GNAL: variants seen among roughly 807,000 people sequenced by gnomAD.
GNAL encodes the protein guanine nucleotide-binding protein G(olf) subunit alpha.
GNAL carries 18 observed loss-of-function variants against 55.1 expected under a neutral mutation model. The observed-to-expected ratio is 0.33, with a 90% CI of 0.23 to 0.48. GNAL has a LOEUF of 0.48. GNAL is among the 20% of genes least tolerant of loss of function. The probability of loss-of-function intolerance (pLI) is 0.99; values close to 1 mark genes in which losing one functional copy is unlikely to be tolerated. For synonymous variants in GNAL, 253 were observed against 237.0 expected (o/e 1.07, Z -0.62); for missense variants, 412 against 614.1 (o/e 0.67, Z 3.48).
rs1229145397 is a variant in GNAL at position 11,885,107 on chromosome 18, C to T, written c.*3972C>T. Reference sequence around the variant, plus strand: ...TCTTTGCAGATACTTTTATGTGGAACAACAGTGGCAAATGTTTTCATTTAC... The same window carrying T: ...TCTTTGCAGATACTTTTATGTGGAATAACAGTGGCAAATGTTTTCATTTAC... On this transcript the variant is annotated 3_prime_UTR_variant, in exon 12 of 12. Transcript: ENST00000334049. 2.6e-6 allele frequency: 3 copies of T among 1,152,486 alleles called. No homozygotes were observed. Among genetic ancestry groups the T allele is most frequent in the Non-Finnish European group, 3.4e-6 (3 of 890,956 alleles). The allele number at this position is 1,152,486 out of a possible 1,614,324, so 71.4% of individuals were successfully genotyped here. A position where few individuals can be genotyped will look rare whatever the true frequency, so the allele number is the denominator to read the frequency against.
rs767615710 is a variant in GNAL, at chr18:11,689,831, A to G, written c.268A>G (p.Lys90Glu). The change falls in exon 1 of 12, where the codon AAG becomes GAG. Residue 90 changes from lysine (K) to glutamate (E), a missense_variant. Physicochemically the swap from Lys to Glu is moderately conservative, Grantham distance 56. Around this residue, in one of 5 missense-constraint regions of GNAL, gnomAD observed 228 missense variants for 194.8 expected, o/e 1.17. Coordinates refer to ENST00000334049, the MANE Select transcript of GNAL (RefSeq NM_182978.4). Reference protein sequence around the residue: ...QLSAEEREAAKEREAVKEARK... With the variant: ...QLSAEEREAAEEREAVKEARK... ...GAGTGCCGAGGAGCGCGAGGCGGCC[A>G]AGGAGCGCGAGGCGGTCAAGGAGGC... is the stretch of plus-strand genomic sequence containing the variant. 22 of 1,537,564 alleles carry G rather than the reference A, an allele frequency of 1.4e-5. No homozygotes were observed. The highest frequency in any genetic ancestry group is 2.4e-5 in the South Asian group (2 of 83,128).
chr18:11,762,224 TC>T (rs1397021184), intron 4 of GNAL, among the ~76,000 whole-genome samples: 1 of 152,178 alleles, frequency 6.6e-6, no homozygotes, highest in Non-Finnish European at 1.5e-5. Flanking sequence ...TGCCTGTCTT[TC>T]CCGTGAAAGG....
intron 1 of GNAL, among the ~76,000 whole-genome samples, chr18:11,749,542 C>T (rs1177624478): frequency 6.6e-6 from 1 of 152,224 alleles, no homozygotes; most frequent in African/African-American, 2.4e-5. Flanking sequence ...CGCATCTCCT[C>T]TGGGTCAGGC....
chr18:11,717,366 G>A (rs564101109), intron 1 of GNAL, among the ~76,000 whole-genome samples: 1 of 152,230 alleles, frequency 6.6e-6, no homozygotes, highest in Non-Finnish European at 1.5e-5. Context: ...TGCAGTGGCG[G>A]GTTGAAGGGC....
rs375271294 is a variant in GNAL at position 11,689,888 on chromosome 18, C to T, written c.325C>T (p.Leu109=). The change falls in exon 1 of 12, where the codon CTG becomes TTG. Residue 109 remains leucine (L), a synonymous_variant. Transcript: ENST00000334049. ...RKVSRGIDRM[L]RDQKRDLQQT... ...AGTGAGCCGGGGCATCGACCGCATG[C>T]TGCGCGACCAGAAGCGCGACCTGCA... 198 of 1,489,632 alleles carry T rather than the reference C, an allele frequency of 1.3e-4. 1 individual carries two copies. In the African/African-American group the frequency reaches 2.4e-3, roughly 18 times the overall value. The allele number at this position is 1,489,632 out of a possible 1,614,324, so 92.3% of individuals were successfully genotyped here.
intron 1 of GNAL, among the ~76,000 whole-genome samples, chr18:11,717,043 G>C (rs2031985092): frequency 6.6e-6 from 1 of 152,248 alleles, no homozygotes; most frequent in Non-Finnish European, 1.5e-5. Context: ...CCCATGGAGG[G>C]TGGGGGAGGC....
intron 1 of GNAL, among the ~76,000 whole-genome samples, chr18:11,741,980 T>C (rs2032586483): frequency 6.6e-6 from 1 of 152,238 alleles, no homozygotes. Flanking sequence ...CAGAAATTTT[T>C]CATCCTCCCA....
intron 1 of GNAL, chr18:11,746,923 G>A (rs2032700692): frequency 1.9e-6 from 1 of 538,804 alleles, no homozygotes; most frequent in Admixed American, 1.9e-5. Flanking sequence ...TGGAAACTTA[G>A]GACATTACAA....
rs146864557 is a variant in GNAL, at chr18:11,800,635, CA to C, written c.625-24281del. ...GGCCCAGGTTGAATTTGTTCTTTGC[CA>C]ATTTATATGGTGGTGGGTTATACTC... On this transcript the variant is annotated intron_variant, in intron 4 of 11. Coordinates refer to ENST00000334049, the MANE Select transcript of GNAL (RefSeq NM_182978.4). Among the ~76,000 whole-genome samples, 1,050 of 152,236 alleles carry C rather than the reference CA, an allele frequency of 6.9e-3. 9 individuals carry two copies. Among genetic ancestry groups the C allele is most frequent in the African/African-American group, 0.022 (903 of 41,530 alleles).
rs929413568 is a variant in GNAL, at chr18:11,883,686, G to C, written c.*2551G>C. ...ACAATATGTTCTGCACATCACATCT[G>C]TACTTTTTTTTTTTTAAATATATTT... is the stretch of plus-strand genomic sequence containing the variant. On this transcript the variant is annotated 3_prime_UTR_variant, in exon 12 of 12. Coordinates refer to ENST00000334049, the MANE Select transcript of GNAL (RefSeq NM_182978.4). 8.0e-5 allele frequency: 12 copies of C among 150,592 alleles called. No homozygotes were observed. Among genetic ancestry groups the C allele is most frequent in the African/African-American group, 2.8e-4 (11 of 39,626 alleles). The allele number at this position is 150,592 out of a possible 1,614,324, so 9.3% of individuals were successfully genotyped here. A position where few individuals can be genotyped will look rare whatever the true frequency, so the allele number is the denominator to read the frequency against.
intron 1 of GNAL, among the ~76,000 whole-genome samples, chr18:11,740,336 C>T (rs186283104): frequency 6.6e-6 from 1 of 152,108 alleles, no homozygotes; most frequent in Non-Finnish European, 1.5e-5. Flanking sequence ...CCTGCCCACT[C>T]CACACCCCAC....
At chr18:11,746,635 A>C in intron 1 of GNAL, 1 of 244,172 alleles carries the variant, frequency 4.1e-6, no homozygotes, top group African/African-American at 2.2e-5. Context: ...GAAGAAGGAG[A>C]GGGAGAAAAA....
intron 4 of GNAL, among the ~76,000 whole-genome samples, chr18:11,770,762 A>G (rs1430704628): frequency 1.3e-5 from 2 of 152,186 alleles, no homozygotes; most frequent in African/African-American, 4.8e-5. Context: ...TAAGTGTTCT[A>G]ATACTTTACA....
intron 1 of GNAL, among the ~76,000 whole-genome samples, chr18:11,748,859 T>C (rs949073298): frequency 3.9e-5 from 6 of 152,138 alleles, no homozygotes; most frequent in African/African-American, 7.2e-5. Flanking sequence ...GCGCAGTAGC[T>C]CAGGTCTATA....
intron 1 of GNAL, among the ~76,000 whole-genome samples, chr18:11,704,921 T>A (rs761553460): frequency 9.9e-5 from 15 of 152,156 alleles, no homozygotes; most frequent in Non-Finnish European, 2.2e-4. Flanking sequence ...GAAAGTTTCC[T>A]CCTGCATCTT....
chr18:11,758,202 C>T (rs1046942880), intron 4 of GNAL, among the ~76,000 whole-genome samples: 2 of 152,156 alleles, frequency 1.3e-5, no homozygotes, highest in African/African-American at 4.8e-5. Context: ...CTTGAGAAGG[C>T]AGAGAACAGG....
At chr18:11,829,738 A>C in intron 5 of GNAL, among the ~76,000 whole-genome samples, 1 of 152,152 alleles carries the variant, frequency 6.6e-6, no homozygotes, top group East Asian at 1.9e-4. Context: ...CAACGGGCGC[A>C]GTAGCTCACG....
At chr18:11,862,649 G>T (rs1303697295) in intron 6 of GNAL, among the ~76,000 whole-genome samples, 200 bp downstream of exon 6, 1 of 152,166 alleles carries the variant, frequency 6.6e-6, no homozygotes, top group East Asian at 1.9e-4. Context: ...AGCACTTAGT[G>T]ATTATCAAAA....
At chr18:11,697,534 G>T (rs764014824) in intron 1 of GNAL, among the ~76,000 whole-genome samples, 1 of 151,876 alleles carries the variant, frequency 6.6e-6, no homozygotes, top group Non-Finnish European at 1.5e-5. Context: ...CTCCAGCATG[G>T]GGGAGAGAGC....
Sources: allele counts gnomAD v4.1 joint callset (sites outside exome capture counted in the v4.1 genomes callset), GRCh38; gene constraint gnomAD v4.1.1; regional missense constraint gnomAD v4.1.1; transcripts MANE v1.5; gene names NCBI Gene and HGNC (gene_info 2026-07-23, HGNC 2026-07-21).